Variants in SNX14 observed in about 807,000 individuals in gnomAD.
SNX14 encodes sorting nexin-14.
SNX14 carries 93 observed loss-of-function variants against 133.8 expected under a neutral mutation model. The observed-to-expected ratio is 0.70, with a 90% CI of 0.59 to 0.83. The LOEUF is 0.83. Ranked by LOEUF, SNX14 falls within the 40% of genes least tolerant of loss-of-function variation. SNX14 has a pLI of 0.00. For synonymous variants in SNX14, 368 were observed against 365.6 expected, an observed-to-expected ratio of 1.01 and a Z score of -0.07; for missense variants, 945 against 1,094.9, an observed-to-expected ratio of 0.86 and a Z score of 1.93.
rs1168818211 is a variant in SNX14, at chr6:85,505,511, T to A, written c.*456A>T. Reference sequence around the variant, plus strand: ...AAATCCCTTGTTTATTATTAAAAACTCATATAGGATGCTTTATTTATAGAT... The same window carrying A: ...AAATCCCTTGTTTATTATTAAAAACACATATAGGATGCTTTATTTATAGAT... On this transcript the variant is annotated 3_prime_UTR_variant, in exon 29 of 29. Coordinates refer to ENST00000314673, the MANE Select transcript of SNX14 (RefSeq NM_153816.6). The A allele has an allele frequency of 6.2e-6, 1 of 161,424 alleles. No individual in the cohort carries two copies. Among genetic ancestry groups the A allele is most frequent in the Non-Finnish European group, 1.3e-5 (1 of 75,228 alleles). 10.0% of individuals were successfully genotyped at this position (161,424 alleles called of 1,614,324 possible).
Position 85,547,107 on chromosome 6 carries a change from C to A in SNX14, c.1108+5G>T. 5.6e-6 allele frequency: 9 copies of A among 1,608,952 alleles called. No homozygotes were observed. Among genetic ancestry groups the A allele is most frequent in the Non-Finnish European group, 5.9e-6 (7 of 1,176,730 alleles). ...ACTTTCGTAAAATACACAGGTAAGC[C>A]TCACCCACAGTCAAACAAAACTGCA... On this transcript the variant is annotated splice_donor_5th_base_variant and intron_variant, in intron 12 of 28. Transcript: ENST00000314673.
At chr6:85,566,804 G>A (rs1260051569) in intron 5 of SNX14, among the ~76,000 whole-genome samples, 3 of 152,088 alleles carry the variant, frequency 2.0e-5, no homozygotes, top group Non-Finnish European at 4.4e-5. Context: ...AGGTATAAGT[G>A]TTCAAATATA....
intron 16 of SNX14, 87 bp from the exon 17 acceptor site, chr6:85,537,011 A>C: frequency 7.3e-7 from 1 of 1,375,526 alleles, no homozygotes; most frequent in Non-Finnish European, 9.7e-7. Context: ...AAAAAAGAAA[A>C]ACAGTTTTGA....
chr6:85,556,546 C>T (rs1187881906), intron 7 of SNX14, among the ~76,000 whole-genome samples: 1 of 149,728 alleles, frequency 6.7e-6, no homozygotes, highest in African/African-American at 2.5e-5. Context: ...TTTCTGCCCA[C>T]CACAACCTCC....
chr6:85,573,309 G>A (rs540783726), intron 2 of SNX14, among the ~76,000 whole-genome samples: 100 of 152,194 alleles, frequency 6.6e-4, no homozygotes, highest in African/African-American at 1.8e-3. Context: ...GCAAAACCCC[G>A]TCTCTACTAA....
chr6:85,572,376 T>C lies in SNX14; in HGVS notation c.262-2A>G. 6.2e-7 allele frequency: 1 copy of C among 1,608,662 alleles called. No individual in the cohort carries two copies. Among genetic ancestry groups the C allele is most frequent in the Non-Finnish European group, 8.5e-7 (1 of 1,178,034 alleles). On this transcript the variant is annotated splice_acceptor_variant, in intron 2 of 28. Coordinates refer to ENST00000314673, the MANE Select transcript of SNX14 (RefSeq NM_153816.6). LOFTEE classifies it high-confidence loss of function. Reference sequence around the variant, plus strand: ...AAATAATTCCTGAAGTCCTAACTGCTAAAAAAGGAAAATGAGAGGTGGTGG... The same window carrying C: ...AAATAATTCCTGAAGTCCTAACTGCCAAAAAAGGAAAATGAGAGGTGGTGG...
intron 1 of SNX14, chr6:85,588,756 T>C (rs917069475): frequency 1.1e-5 from 4 of 375,762 alleles, no homozygotes; most frequent in African/African-American, 8.3e-5. Context: ...AATAGTTGGT[T>C]AGTACTTATT....
Position 85,526,245 on chromosome 6 carries a change from G to A in SNX14, c.1996-8C>T. The A allele has an allele frequency of 1.3e-6, 2 of 1,555,286 alleles. No homozygotes were observed. The highest frequency in any genetic ancestry group is 1.4e-5 in the African/African-American group (1 of 72,490). On this transcript the variant is annotated splice_region_variant and splice_polypyrimidine_tract_variant and intron_variant, in intron 20 of 28. Transcript: ENST00000314673. ...TGGATGCTGCAGAAGTTTCTTGAAT[G>A]AACAAAAAAAACGGAAAACACAGTT...
intron 23 of SNX14, among the ~76,000 whole-genome samples, chr6:85,516,251 A>T (rs948092603): frequency 1.3e-5 from 2 of 152,072 alleles, no homozygotes; most frequent in African/African-American, 2.4e-5. Flanking sequence ...GTTGTTTCCA[A>T]TTTTTCACTT....
chr6:85,552,240 T>A (rs557884855), intron 7 of SNX14, among the ~76,000 whole-genome samples: 1 of 151,552 alleles, frequency 6.6e-6, no homozygotes, highest in Non-Finnish European at 1.5e-5. Context: ...GTTTCACCGT[T>A]TTAGCCGGGA....
chr6:85,584,378 C>CA (rs775097270), intron 1 of SNX14, among the ~76,000 whole-genome samples: 52 of 152,036 alleles, frequency 3.4e-4, no homozygotes, highest in Admixed American at 2.2e-3. Flanking sequence ...GCAATGGCAA[C>CA]AAAGCCAAAA....
intron 1 of SNX14, chr6:85,581,465 C>A (rs1355651787): frequency 6.6e-6 from 1 of 152,170 alleles, no homozygotes; most frequent in African/African-American, 2.4e-5. Context: ...AGCATCAAGA[C>A]CATGAAGGGA....
At chr6:85,580,724 C>T (rs1006105264) in intron 1 of SNX14, among the ~76,000 whole-genome samples, 1 of 152,106 alleles carries the variant, frequency 6.6e-6, no homozygotes, top group Non-Finnish European at 1.5e-5. Flanking sequence ...TAGCAGCACT[C>T]CCATGGGCTT....
At position 85,542,037 on chromosome 6, in the gene SNX14, T is replaced by C; in HGVS notation, c.1396A>G (p.Arg466Gly). 6.4e-7 allele frequency: 1 copy of C among 1,574,096 alleles called. No individual in the cohort carries two copies. Among genetic ancestry groups the C allele is most frequent in the South Asian group, 1.2e-5 (1 of 84,448 alleles). Residue 466 changes from arginine (R) to glycine (G), a missense_variant, in exon 15 of 29, where the codon AGA (arginine) becomes GGA (glycine). Transcript: ENST00000314673. ...GATTCTGCACCTCTTAAAAGTTGTC[T>C]GAAATACTTTAAAATAACAAATAAT... is the stretch of plus-strand genomic sequence containing the variant. ...PMFCHSDEYF[R>G]QLLRGAESPT...
At chr6:85,583,459 A>C (rs533189205) in intron 1 of SNX14, among the ~76,000 whole-genome samples, 80 of 152,324 alleles carry the variant, frequency 5.3e-4, no homozygotes, top group African/African-American at 1.9e-3. Flanking sequence ...AGGAAGTCAA[A>C]CTGTCTCTGT....
intron 1 of SNX14, among the ~76,000 whole-genome samples, chr6:85,590,560 CT>C (rs1239884825): frequency 6.6e-6 from 1 of 152,182 alleles, no homozygotes. Context: ...TCAGCAGAGG[CT>C]TTTTCTCCGG....
intron 1 of SNX14, among the ~76,000 whole-genome samples, chr6:85,579,111 C>A (rs1798256593): frequency 6.6e-6 from 1 of 151,952 alleles, no homozygotes; most frequent in South Asian, 2.1e-4. Context: ...ATACTCCAGC[C>A]TGGGTGACAG....
chr6:85,546,999 T>A (rs2128093908), intron 12 of SNX14, 113 bp downstream of exon 12: 1 of 682,672 alleles, frequency 1.5e-6, no homozygotes, highest in Non-Finnish European at 2.3e-6. Context: ...ATCGAGTATA[T>A]GAAATTTAGT....
At chr6:85,563,835 A>G (rs569458949) in intron 6 of SNX14, among the ~76,000 whole-genome samples, 1 of 152,166 alleles carries the variant, frequency 6.6e-6, no homozygotes, top group African/African-American at 2.4e-5. Context: ...GGTTTGTTAC[A>G]TATGTATACA....
Sources: gnomAD v4.1 joint callset for allele counts (sites outside exome capture counted in the v4.1 genomes callset) on GRCh38, gnomAD v4.1.1 for gene constraint, MANE v1.5 for transcripts, NCBI Gene and HGNC (gene_info 2026-07-23, HGNC 2026-07-21) for gene names.